The following PRDM14 variants were observed in gnomAD, a reference collection of about 807,000 sequenced individuals.
PRDM14 encodes the protein PR/SET domain 14, also known as PR domain zinc finger protein 14.
A neutral mutation model predicts 48.0 loss-of-function variants in PRDM14; 16 were observed. The ratio of observed to expected loss-of-function variants is 0.33; its 90% CI spans 0.23 to 0.51. PRDM14 has a LOEUF of 0.51. Ranked by LOEUF, PRDM14 falls within the 20% of genes least tolerant of loss-of-function variation. The pLI is 0.97. For missense variants in PRDM14, 566 were observed against 719.6 expected, an observed-to-expected ratio of 0.79 and a Z score of 2.44; for synonymous variants, 264 against 276.6, an observed-to-expected ratio of 0.95 and a Z score of 0.45.
intron 1 of PRDM14, among the ~76,000 whole-genome samples, chr8:70,070,136 G>GT (rs1164294200): frequency 6.6e-6 from 1 of 152,190 alleles, no homozygotes; most frequent in East Asian, 1.9e-4. Context: ...CCGGGTTAGT[G>GT]TTGCCTTCCC....
rs918614209 is a variant in PRDM14 at position 70,071,211 on chromosome 8, A to C, written c.-86T>G. 4 of 152,128 alleles carry C rather than the reference A, an allele frequency of 2.6e-5. 1 individual carries two copies. The highest frequency in any genetic ancestry group is 2.0e-4 in the Admixed American group (3 of 15,274). 9.4% of individuals were successfully genotyped at this position (152,128 alleles called of 1,614,324 possible). A position where few individuals can be genotyped will look rare whatever the true frequency, so the allele number is the denominator to read the frequency against. ...GGCGCCTCCTGGACGCTGCGGGGCC[A>C]CTCGGGCTCGGTAGGCCACTCGGGC... On this transcript the variant is annotated 5_prime_UTR_variant, in exon 1 of 8. Coordinates refer to ENST00000276594, the MANE Select transcript of PRDM14 (RefSeq NM_024504.4). The surrounding 1 kb of genome is among the most constrained non-coding windows in gnomAD (Gnocchi z 5.2).
chr8:70,054,327 T>C (rs1426804604), intron 7 of PRDM14, among the ~76,000 whole-genome samples: 2 of 152,180 alleles, frequency 1.3e-5, no homozygotes, highest in African/African-American at 4.8e-5. Context: ...TGCCAGGCAC[T>C]GTTACAAGAG....
In PRDM14 at chr8:70,066,356, T is replaced by A; in HGVS notation, c.1062A>T (p.Lys354Asn). 1.2e-6 allele frequency: 2 copies of A among 1,614,176 alleles called. No individual in the cohort carries two copies. The highest frequency in any genetic ancestry group is 1.7e-6 in the Non-Finnish European group (2 of 1,180,040). ...GGAGCTCTTGGTTCTGATGGATCTCTTTGCAGCTCTCATAAAATATATGCC... is the reference window on the plus strand; with the variant it reads ...GGAGCTCTTGGTTCTGATGGATCTCATTGCAGCTCTCATAAAATATATGCC... The part of the protein sequence containing the change: ...CQGHIFYESC[K>N]EIHQNQELLV... Residue 354 changes from lysine (K) to asparagine (N), a missense_variant, in exon 5 of 8, where the codon AAA becomes AAT. Around this residue, in one of 3 missense-constraint regions of PRDM14, gnomAD observed 126 missense variants for 271.6 expected, o/e 0.46. Coordinates refer to ENST00000276594, the MANE Select transcript of PRDM14 (RefSeq NM_024504.4).
At chr8:70,061,900 C>T (rs796543384) in intron 5 of PRDM14, among the ~76,000 whole-genome samples, 10 of 152,178 alleles carry the variant, frequency 6.6e-5, no homozygotes, top group African/African-American at 2.4e-4. Context: ...TCAAATAACC[C>T]GCCCACATAG....
chr8:70,064,100 G>T lies in PRDM14; in HGVS notation c.1183+2135C>A, dbSNP rs990345721. ...AATGAGGGCTTATGATGGTTCAGTG[G>T]CGGGGGGAACCCAGCATGGACATAA... On this transcript the variant is annotated intron_variant, in intron 5 of 7. Transcript: ENST00000276594. 2.0e-5 allele frequency among the ~76,000 whole-genome samples: 3 copies of T among 152,100 alleles called. No homozygotes were observed. The South Asian group carries it at 6.2e-4, about 32-fold the overall frequency.
intron 5 of PRDM14, 102 bp downstream of exon 5, chr8:70,066,133 T>C: frequency 1.5e-6 from 2 of 1,306,764 alleles, no homozygotes; most frequent in East Asian, 2.3e-5. Context: ...TCCTCTGCAT[T>C]AGCCTTTAGG....
intron 7 of PRDM14, 53 bp downstream of exon 7, chr8:70,055,247 T>C (rs954361958): frequency 6.6e-5 from 66 of 1,006,338 alleles, no homozygotes; most frequent in Non-Finnish European, 8.9e-5. Context: ...TTCTTATCCA[T>C]AGACACTCAA....
rs761044857 is a variant in PRDM14, at chr8:70,058,767, T to C, written c.1259A>G (p.Lys420Arg). 1 of 1,614,120 alleles carries C rather than the reference T, an allele frequency of 6.2e-7. No homozygotes were observed. Among genetic ancestry groups the C allele is most frequent in the Non-Finnish European group, 8.5e-7 (1 of 1,179,934 alleles). The change falls in exon 6 of 8, where the codon AAG becomes AGG. Residue 420 changes from lysine (K) to arginine (R), a missense_variant. By Grantham distance (26) the Lys-to-Arg change is conservative (BLOSUM62 2). This residue lies in a region of PRDM14 where 126 missense variants were observed against 271.6 expected (regional missense o/e 0.46). Transcript: ENST00000276594. ...GCCCTTGTCCACACAGGGGGTGTAC[T>C]TGAGGTGCTTATCTCTGTAATATTT... is the stretch of plus-strand genomic sequence containing the variant. ...TYKYYRDKHL[K>R]YTPCVDKGDR...
At chr8:70,061,327 T>A (rs1458705485) in intron 5 of PRDM14, among the ~76,000 whole-genome samples, 1 of 152,162 alleles carries the variant, frequency 6.6e-6, no homozygotes, top group African/African-American at 2.4e-5. Context: ...AGAGTGAGTC[T>A]ATGCAAGAGT....
At chr8:70,054,027 T>A (rs756258981) in intron 7 of PRDM14, among the ~76,000 whole-genome samples, 1 of 152,254 alleles carries the variant, frequency 6.6e-6, no homozygotes, top group African/African-American at 2.4e-5. Context: ...TTTTCAACTT[T>A]ACTTCGTCTT....
intron 7 of PRDM14, among the ~76,000 whole-genome samples, chr8:70,055,019 A>G (rs1199556269): frequency 6.6e-6 from 1 of 152,182 alleles, no homozygotes; most frequent in African/African-American, 2.4e-5. Context: ...CACCACACTC[A>G]GCTAGTGCTT....
chr8:70,054,703 G>A (rs1805444465), intron 7 of PRDM14, among the ~76,000 whole-genome samples: 1 of 151,202 alleles, frequency 6.6e-6, no homozygotes, highest in East Asian at 2.0e-4. Flanking sequence ...ATTTTTAGTA[G>A]AGATGGGGTT....
At position 70,069,719 on chromosome 8, in the gene PRDM14, C is replaced by T; in HGVS notation, c.142G>A (p.Glu48Lys). 6.3e-7 allele frequency: 1 copy of T among 1,582,088 alleles called. No homozygotes were observed. Among genetic ancestry groups the T allele is most frequent in the Non-Finnish European group, 8.6e-7 (1 of 1,163,748 alleles). ...HYRNSLATVE[E>K]DFQPFRQLEA... ...AGCTGCCGGAAAGGTTGGAAGTCTTCCTCCACGGTGGCCAGGCTGTTTCTG... is the reference window on the plus strand; with the variant it reads ...AGCTGCCGGAAAGGTTGGAAGTCTTTCTCCACGGTGGCCAGGCTGTTTCTG... The change falls in exon 2 of 8, where the codon GAA (glutamate) becomes AAA (lysine). Residue 48 changes from glutamate to lysine, a missense_variant. By Grantham distance (56) the Glu-to-Lys change is moderately conservative. Coordinates refer to ENST00000276594, the MANE Select transcript of PRDM14 (RefSeq NM_024504.4).
rs1423830923 is a variant in PRDM14 at position 70,071,228 on chromosome 8, CACTCGGGCTCGGT to C, written c.-116_-104del. The stretch of plus-strand genomic sequence containing the variant: ...GCGGGGCCACTCGGGCTCGGTAGGC[CACTCGGGCTCGGT>C]AGACTTCGGGCGGGCCCTGAGGGCT... On this transcript the variant is annotated 5_prime_UTR_variant, in exon 1 of 8. Transcript: ENST00000276594. This position sits in a 1 kb window ranked among gnomAD's most constrained non-coding sequence, Gnocchi z 5.2. 6.6e-6 allele frequency: 1 copy of C among 152,218 alleles called. No individual in the cohort carries two copies. Among genetic ancestry groups the C allele is most frequent in the Non-Finnish European group, 1.5e-5 (1 of 68,064 alleles). 9.4% of individuals were successfully genotyped at this position (152,218 alleles called of 1,614,324 possible).
intron 5 of PRDM14, among the ~76,000 whole-genome samples, chr8:70,060,962 T>C (rs1003657701): frequency 6.6e-6 from 1 of 152,216 alleles, no homozygotes; most frequent in African/African-American, 2.4e-5. Context: ...GTTGAAAGCA[T>C]CTTGACTTCC....
At chr8:70,052,696 C>T (rs1019544642) in intron 7 of PRDM14, among the ~76,000 whole-genome samples, 1 of 151,950 alleles carries the variant, frequency 6.6e-6, no homozygotes, top group Non-Finnish European at 1.5e-5. Context: ...GAAACCCCAT[C>T]TCTACTAAAA....
At chr8:70,064,072 C>T (rs1464901871) in intron 5 of PRDM14, among the ~76,000 whole-genome samples, 1 of 152,096 alleles carries the variant, frequency 6.6e-6, no homozygotes, top group Non-Finnish European at 1.5e-5. Flanking sequence ...GAACAAGCAA[C>T]AGAATGAGGG....
chr8:70,056,545 G>A (rs1563438606), intron 6 of PRDM14, among the ~76,000 whole-genome samples: 1 of 152,018 alleles, frequency 6.6e-6, no homozygotes, highest in East Asian at 1.9e-4. Context: ...GCAGTAGCAT[G>A]ATCTCGGCCC....
chr8:70,061,528 A>G (rs1029171134), intron 5 of PRDM14, among the ~76,000 whole-genome samples: 4 of 152,152 alleles, frequency 2.6e-5, no homozygotes, highest in Non-Finnish European at 5.9e-5. Context: ...TATCACTTTC[A>G]TTGAGGTGCT....
Sources: gnomAD v4.1 joint callset for allele counts (sites outside exome capture counted in the v4.1 genomes callset) on GRCh38, gnomAD v4.1.1 for gene constraint, gnomAD v4.1.1 regional missense constraint, Gnocchi (gnomAD v3.1) non-coding constraint, MANE v1.5 for transcripts, NCBI Gene and HGNC (gene_info 2026-07-23, HGNC 2026-07-21) for gene names.